SPON1: variants seen among roughly 807,000 people sequenced by gnomAD.
SPON1 encodes spondin 1, also known as spondin-1.
In SPON1, 52 loss-of-function variants were observed where a neutral mutation model predicts 111.7. The observed-to-expected ratio is 0.47, with a 90% confidence interval of 0.37 to 0.59. The LOEUF (loss-of-function observed/expected upper bound fraction) is 0.59, where lower values mean the gene tolerates loss of function less well. Ranked by LOEUF, SPON1 falls within the 20% of genes least tolerant of loss-of-function variation. SPON1 has a pLI of 0.00. For synonymous variants in SPON1, 410 were observed against 395.8 expected (o/e 1.04, Z -0.43); for missense variants, 957 against 1,068.5 (o/e 0.90, Z 1.46).
At chr11:14,241,558 C>T (rs549475660) in intron 6 of SPON1, among the ~76,000 whole-genome samples, 4 of 152,170 alleles carry the variant, frequency 2.6e-5, no homozygotes, top group Non-Finnish European at 5.9e-5. Context: ...GGCTCAGGCA[C>T]GCCTGAGCTG....
At position 14,254,485 on chromosome 11, in the gene SPON1, C is replaced by T. The variant is rs1554940949; in HGVS notation, c.891-43C>T. 2.0e-6 allele frequency: 3 copies of T among 1,518,306 alleles called. No homozygotes were observed. In the South Asian group the frequency reaches 3.9e-5, roughly 20 times the overall value. 94.1% of individuals were successfully genotyped at this position (1,518,306 alleles called of 1,614,324 possible). ...AGATTTCCCTCAGAGTGAGGACCAA[C>T]CCCCAGAACTCTAATATAATGGTCT... On this transcript the variant is annotated intron_variant, in intron 7 of 15. Transcript: ENST00000576479.
Position 14,262,716 on chromosome 11 carries a change from T to C in SPON1, c.2001T>C (p.Ile667=), listed in dbSNP as rs1849200935. The C allele has an allele frequency of 5.6e-6, 9 of 1,613,892 alleles. No individual in the cohort carries two copies. The highest frequency in any genetic ancestry group is 4.2e-6 in the Non-Finnish European group (5 of 1,179,866). ...TGCCCATCTGTGTCTTGCCAGCCATTGACTGTGAGCTCACCGAGTGGTCCC... is the reference window on the plus strand; with the variant it reads ...TGCCCATCTGTGTCTTGCCAGCCATCGACTGTGAGCTCACCGAGTGGTCCC... ...VEKCMLPECP[I]DCELTEWSQW... Residue 667 remains isoleucine (I), a synonymous_variant, in exon 15 of 16, where the codon ATT becomes ATC. Transcript: ENST00000576479.
intron 7 of SPON1, 30 bp from the exon 8 acceptor site, chr11:14,254,497 TA>T: frequency 6.4e-7 from 1 of 1,554,262 alleles, no homozygotes; most frequent in Non-Finnish European, 8.7e-7. Flanking sequence ...CCCAGAACTC[TA>T]ATATAATGGT....
At chr11:14,138,096 C>T (rs1302896919) in intron 6 of SPON1, among the ~76,000 whole-genome samples, 1 of 152,174 alleles carries the variant, frequency 6.6e-6, no homozygotes, top group African/African-American at 2.4e-5. Context: ...ACAGTGTTCT[C>T]GGGCTTTAAT....
chr11:14,058,837 G>T (rs1455888651), intron 3 of SPON1, among the ~76,000 whole-genome samples: 1 of 152,164 alleles, frequency 6.6e-6, no homozygotes, highest in Non-Finnish European at 1.5e-5. Context: ...TTGAAGCACA[G>T]CTTGCTCAAC....
intron 2 of SPON1, among the ~76,000 whole-genome samples, chr11:13,992,224 T>G (rs1263582390): frequency 1.3e-5 from 2 of 152,260 alleles, no homozygotes; most frequent in Non-Finnish European, 2.9e-5. Flanking sequence ...AGTCCCTGAC[T>G]GGGGCTGCTG....
intron 5 of SPON1, among the ~76,000 whole-genome samples, chr11:14,091,611 G>A (rs985297089): frequency 2.0e-5 from 3 of 152,196 alleles, no homozygotes; most frequent in East Asian, 3.9e-4. Context: ...AGGGCTGGCC[G>A]CCTGCTCCGA....
intron 6 of SPON1, among the ~76,000 whole-genome samples, chr11:14,240,917 G>A (rs1442063734): frequency 2.0e-5 from 3 of 152,124 alleles, no homozygotes; most frequent in Non-Finnish European, 4.4e-5. Flanking sequence ...AATCAAAAAA[G>A]AGAGCTAAGA....
chr11:14,212,658 T>C (rs1848588276), intron 6 of SPON1, among the ~76,000 whole-genome samples: 1 of 152,212 alleles, frequency 6.6e-6, no homozygotes, highest in Non-Finnish European at 1.5e-5. Flanking sequence ...GTATATGAAG[T>C]TCTTAGCACA....
chr11:14,017,713 A>G (rs1348158956), intron 2 of SPON1, among the ~76,000 whole-genome samples: 1 of 152,218 alleles, frequency 6.6e-6, no homozygotes, highest in African/African-American at 2.4e-5. Context: ...GTCTTTCCAA[A>G]TATTTGCAAA....
intron 5 of SPON1, among the ~76,000 whole-genome samples, chr11:14,125,469 A>G (rs1341820207): frequency 3.3e-5 from 5 of 152,194 alleles, no homozygotes; most frequent in African/African-American, 1.2e-4. Context: ...ATATATAACT[A>G]CTATAGCAGA....
chr11:14,159,969 C>G (rs1847891355), intron 6 of SPON1, among the ~76,000 whole-genome samples: 1 of 151,854 alleles, frequency 6.6e-6, no homozygotes, highest in South Asian at 2.1e-4. Flanking sequence ...TGAGTACAAC[C>G]TATTTGATAG....
intron 6 of SPON1, among the ~76,000 whole-genome samples, chr11:14,177,653 G>A (rs1848192918): frequency 6.6e-6 from 1 of 152,200 alleles, no homozygotes; most frequent in Non-Finnish European, 1.5e-5. Context: ...GTTCTACAAA[G>A]GCAATCTAGT....
chr11:14,231,933 T>C (rs140880075), intron 6 of SPON1, among the ~76,000 whole-genome samples: 1 of 39,426 alleles, frequency 2.5e-5, no homozygotes, highest in Non-Finnish European at 5.8e-5. Context: ...GATGGTGGGA[T>C]TATAGGGTCA....
chr11:14,135,509 G>T lies in SPON1; in HGVS notation c.766G>T (p.Val256Phe), dbSNP rs145404118. The T allele has an allele frequency of 1.9e-6, 3 of 1,613,752 alleles. No individual in the cohort carries two copies. The highest frequency in any genetic ancestry group is 2.5e-6 in the Non-Finnish European group (3 of 1,179,808). The stretch of plus-strand genomic sequence containing the variant: ...ATATGGAGGATATGCCAGCGAAGGC[G>T]TCAAACAAGTTGCAGAATTGGGCTC... ...WEYGGYASEG[V>F]KQVAELGSPV... Residue 256 changes from valine to phenylalanine, a missense_variant, in exon 6 of 16, where the codon GTC becomes TTC. Around this residue, in one of 5 missense-constraint regions of SPON1, gnomAD observed 122 missense variants for 143.2 expected, o/e 0.85. Coordinates refer to ENST00000576479, the MANE Select transcript of SPON1 (RefSeq NM_006108.4). This position sits in a 1 kb window ranked among gnomAD's most constrained non-coding sequence, Gnocchi z 4.4.
intron 1 of SPON1, among the ~76,000 whole-genome samples, chr11:13,964,274 A>T (rs770138762): frequency 7.2e-5 from 11 of 152,226 alleles, no homozygotes; most frequent in Non-Finnish European, 1.6e-4. Context: ...TCGCCCCTTC[A>T]TAAGTCAGCT....
intron 2 of SPON1, among the ~76,000 whole-genome samples, chr11:14,008,193 T>C (rs1239117098): frequency 6.6e-6 from 1 of 152,138 alleles, no homozygotes; most frequent in African/African-American, 2.4e-5. Flanking sequence ...TTACATCACA[T>C]TAGATATTAT....
chr11:14,039,042 A>T (rs782563014), intron 2 of SPON1, among the ~76,000 whole-genome samples: 25 of 152,246 alleles, frequency 1.6e-4, no homozygotes, highest in Non-Finnish European at 3.1e-4. Flanking sequence ...TAAGTCATGA[A>T]AATACAGAGA....
intron 5 of SPON1, among the ~76,000 whole-genome samples, chr11:14,081,193 T>C (rs944644604): frequency 3.3e-5 from 5 of 152,226 alleles, no homozygotes; most frequent in Non-Finnish European, 7.3e-5. Context: ...ATCCTACTAA[T>C]TCCACTTTAT....
Sources: gnomAD v4.1 joint callset for allele counts (sites outside exome capture counted in the v4.1 genomes callset) on GRCh38, gnomAD v4.1.1 for gene constraint, gnomAD v4.1.1 regional missense constraint, Gnocchi (gnomAD v3.1) non-coding constraint, MANE v1.5 for transcripts, NCBI Gene and HGNC (gene_info 2026-07-23, HGNC 2026-07-21) for gene names.